The following LTBP1 variants were observed in gnomAD, a reference collection of about 807,000 sequenced individuals.
The protein encoded by LTBP1 is latent transforming growth factor beta binding protein 1.
In LTBP1, 129 loss-of-function variants were observed where a neutral mutation model predicts 207.6. That is an observed-to-expected ratio of 0.62 (90% confidence interval 0.54 to 0.72). LTBP1 has a LOEUF of 0.72. LTBP1 is among the 30% of genes least tolerant of loss of function. The pLI is 0.00. For synonymous variants in LTBP1, 963 were observed against 833.7 expected (o/e 1.16, Z -2.67); for missense variants, 2,281 against 2,217.2 (o/e 1.03, Z -0.58).
rs187122491 is a variant in LTBP1, at chr2:33,262,285, A to G, written c.2419-437A>G. On this transcript the variant is annotated intron_variant, in intron 13 of 33. Transcript: ENST00000404816. ...TACCATGTGTTCTTTGTTATGGCAC[A>G]TCTGCTATATCCATTATTTAATCTG... Among the ~76,000 whole-genome samples, 21 of 152,360 alleles carry G rather than the reference A, an allele frequency of 1.4e-4. No homozygotes were observed. The East Asian group carries it at 3.9e-3, about 28-fold the overall frequency.
intron 5 of LTBP1, among the ~76,000 whole-genome samples, chr2:33,167,993 C>T (rs760869187): frequency 6.6e-6 from 1 of 152,174 alleles, no homozygotes; most frequent in Non-Finnish European, 1.5e-5. Flanking sequence ...TATTTGAGGA[C>T]CTTTTTGCTA....
chr2:33,205,759 G>C (rs1365566687), intron 7 of LTBP1, among the ~76,000 whole-genome samples: 2 of 152,144 alleles, frequency 1.3e-5, no homozygotes, highest in Non-Finnish European at 2.9e-5. Flanking sequence ...CCCCAATGCA[G>C]CTATATTTGG....
At chr2:33,121,027 A>T (rs955941969) in intron 4 of LTBP1, among the ~76,000 whole-genome samples, 38 of 152,274 alleles carry the variant, frequency 2.5e-4, no homozygotes, top group African/African-American at 9.1e-4. Context: ...GCATGGAGCT[A>T]ACTTTGGTGA....
chr2:33,335,519 T>C (rs1439022249), intron 24 of LTBP1, among the ~76,000 whole-genome samples: 1 of 152,230 alleles, frequency 6.6e-6, no homozygotes, highest in East Asian at 1.9e-4. Context: ...TAAAAGGATC[T>C]TTCCATATCC....
chr2:32,998,890 T>C (rs1685690499), intron 2 of LTBP1, among the ~76,000 whole-genome samples: 1 of 152,250 alleles, frequency 6.6e-6, no homozygotes, highest in Non-Finnish European at 1.5e-5. Flanking sequence ...ATTTCTGTTA[T>C]TAGCCACTCA....
intron 4 of LTBP1, among the ~76,000 whole-genome samples, chr2:33,112,938 G>A (rs2080503057): frequency 6.6e-6 from 1 of 152,152 alleles, no homozygotes; most frequent in African/African-American, 2.4e-5. Context: ...GAGATCAAAT[G>A]CAAACATTAA....
chr2:32,987,026 T>C (rs943901068), intron 2 of LTBP1, among the ~76,000 whole-genome samples: 3 of 152,092 alleles, frequency 2.0e-5, no homozygotes, highest in African/African-American at 7.2e-5. Context: ...GCTAGCCCCA[T>C]GTAGCTCTTA....
At position 33,226,422 on chromosome 2, in the gene LTBP1, G is replaced by A. The variant is rs574641402; in HGVS notation, c.1876+4271G>A. On this transcript the variant is annotated intron_variant, in intron 9 of 33. Transcript: ENST00000404816. ...GGCTCTGCTCAGGAAAGAATTCAAGGCTGAGCCAGCAGTGAAAGAAAGCAA... is the reference window on the plus strand; with the variant it reads ...GGCTCTGCTCAGGAAAGAATTCAAGACTGAGCCAGCAGTGAAAGAAAGCAA... 1.7e-4 allele frequency among the ~76,000 whole-genome samples: 26 copies of A among 152,322 alleles called. No homozygotes were observed. In the South Asian group the frequency reaches 4.8e-3, roughly 28 times the overall value.
chr2:33,150,822 A>G (rs945905966), intron 5 of LTBP1, among the ~76,000 whole-genome samples: 1 of 128,134 alleles, frequency 7.8e-6, no homozygotes. Flanking sequence ...TGCAACCTCC[A>G]CCTCCCAGGT....
intron 3 of LTBP1, among the ~76,000 whole-genome samples, chr2:33,024,173 C>T (rs1265022350): frequency 1.3e-5 from 2 of 152,100 alleles, no homozygotes; most frequent in African/African-American, 4.8e-5. Context: ...AAAATGTCTG[C>T]TTTCTTGGAA....
chr2:32,957,918 A>G (rs1411138932), intron 2 of LTBP1, among the ~76,000 whole-genome samples: 2 of 152,114 alleles, frequency 1.3e-5, no homozygotes, highest in Non-Finnish European at 2.9e-5. Context: ...TTCTGTGCAT[A>G]CATTGCCATC....
At chr2:33,172,032 A>G (rs1281492509) in intron 5 of LTBP1, among the ~76,000 whole-genome samples, 1 of 152,228 alleles carries the variant, frequency 6.6e-6, no homozygotes, top group East Asian at 1.9e-4. Context: ...AGGAACAACC[A>G]GTACCAGTCA....
intron 2 of LTBP1, among the ~76,000 whole-genome samples, chr2:32,993,528 G>C (rs1488643927): frequency 6.6e-6 from 1 of 152,182 alleles, no homozygotes; most frequent in East Asian, 1.9e-4. Context: ...CCCAGAGATT[G>C]TGTCTATGTT....
chr2:33,000,266 T>G (rs979340735), intron 2 of LTBP1, among the ~76,000 whole-genome samples: 3 of 134,420 alleles, frequency 2.2e-5, no homozygotes, highest in African/African-American at 7.8e-5. Flanking sequence ...TGTAAACATA[T>G]CTGAAAGCAA....
intron 8 of LTBP1, among the ~76,000 whole-genome samples, chr2:33,219,024 A>G (rs1289190507): frequency 6.6e-6 from 1 of 152,208 alleles, no homozygotes; most frequent in African/African-American, 2.4e-5. Context: ...TTCTACCAGT[A>G]TAACAATTCA....
intron 4 of LTBP1, among the ~76,000 whole-genome samples, chr2:33,124,427 T>C (rs1385938415): frequency 6.6e-6 from 1 of 152,092 alleles, no homozygotes; most frequent in Non-Finnish European, 1.5e-5. Context: ...AAAAAATTAT[T>C]CAAATGCAGA....
chr2:33,302,400 G>A (rs888501927), intron 22 of LTBP1, among the ~76,000 whole-genome samples: 4 of 152,066 alleles, frequency 2.6e-5, no homozygotes, highest in Non-Finnish European at 4.4e-5. Flanking sequence ...TTTGAAGGAG[G>A]GTCTGAACCC....
chr2:33,336,094 T>G (rs1419271014), intron 24 of LTBP1, among the ~76,000 whole-genome samples: 1 of 152,178 alleles, frequency 6.6e-6, no homozygotes, highest in East Asian at 1.9e-4. Context: ...ATTTCAAGTA[T>G]GATGATATTT....
chr2:32,969,229 T>TGTGTGTGTGTGTGTGTG, intron 2 of LTBP1, among the ~76,000 whole-genome samples: 1 of 131,712 alleles, frequency 7.6e-6, no homozygotes, highest in African/African-American at 2.9e-5. Context: ...CCTGGCCAAT[T>TGTGTGTGTGTGTGTGTG]TGTGTGTGTG....
Sources: allele counts gnomAD v4.1 joint callset (sites outside exome capture counted in the v4.1 genomes callset), GRCh38; gene constraint gnomAD v4.1.1; transcripts MANE v1.5; gene names NCBI Gene and HGNC (gene_info 2026-07-23, HGNC 2026-07-21).